The following EML6 variants were observed in gnomAD, a reference collection of about 807,000 sequenced individuals.
EML6 encodes echinoderm microtubule-associated protein-like 6.
A neutral mutation model predicts 240.1 loss-of-function variants in EML6; 154 were observed. The ratio of observed to expected loss-of-function variants is 0.64; its 90% confidence interval spans 0.56 to 0.73. EML6 has a LOEUF of 0.73. EML6 is among the 30% of genes least tolerant of loss of function. The pLI, the probability that EML6 is intolerant of heterozygous loss-of-function variation, is 0.00. For synonymous variants in EML6, 1,148 were observed against 899.0 expected, an observed-to-expected ratio of 1.28 and a Z score of -4.95; for missense variants, 2,964 against 2,474.6, an observed-to-expected ratio of 1.20 and a Z score of -4.20.
At chr2:54,866,957 G>T in intron 14 of EML6, 73 bp downstream of exon 14, 1 of 827,318 alleles carries the variant, frequency 1.2e-6, no homozygotes, top group Admixed American at 2.2e-5. Flanking sequence ...TTAGCACCAG[G>T]CTTAAGGGAT....
chr2:54,832,726 G>T (rs1383684183), intron 7 of EML6, among the ~76,000 whole-genome samples: 1 of 151,652 alleles, frequency 6.6e-6, no homozygotes, highest in Non-Finnish European at 1.5e-5. Context: ...AGATGGTCAG[G>T]TGTCCTGTCC....
intron 30 of EML6, among the ~76,000 whole-genome samples, chr2:54,951,794 G>T (rs1218397213): frequency 6.6e-6 from 1 of 152,020 alleles, no homozygotes. Context: ...GAAATCACTG[G>T]GCACATGTTG....
At chr2:54,787,667 G>A (rs1230916676) in intron 2 of EML6, among the ~76,000 whole-genome samples, 1 of 152,180 alleles carries the variant, frequency 6.6e-6, no homozygotes, top group Non-Finnish European at 1.5e-5. Context: ...ATAAAGTGGA[G>A]CATTTTGCTC....
chr2:54,963,950 C>A, intron 36 of EML6, 36 bp from the exon 37 acceptor site: 1 of 1,526,336 alleles, frequency 6.6e-7, no homozygotes, highest in Non-Finnish European at 8.8e-7. Context: ...CTGAGGGGGC[C>A]AAGAGCTCAG....
chr2:54,953,375 T>C (rs942224683), intron 31 of EML6, among the ~76,000 whole-genome samples: 1 of 152,234 alleles, frequency 6.6e-6, no homozygotes, highest in Non-Finnish European at 1.5e-5. Context: ...TGTCATTCTA[T>C]CATGTTTGCT....
chr2:54,968,545 A>G, intron 40 of EML6, 123 bp from the exon 41 acceptor site: 1 of 716,006 alleles, frequency 1.4e-6, no homozygotes, highest in Admixed American at 2.2e-5. Flanking sequence ...ATGAGTCCAG[A>G]CCAAATGGAA....
chr2:54,842,048 C>G (rs998912235), intron 7 of EML6, among the ~76,000 whole-genome samples: 1 of 152,138 alleles, frequency 6.6e-6, no homozygotes, highest in African/African-American at 2.4e-5. Flanking sequence ...TACATTTGTT[C>G]CAGTGGGTGA....
At chr2:54,904,991 A>C (rs565615102) in intron 24 of EML6, among the ~76,000 whole-genome samples, 1 of 152,190 alleles carries the variant, frequency 6.6e-6, no homozygotes, top group African/African-American at 2.4e-5. Context: ...TATACGGTGC[A>C]GTAGATAGAG....
chr2:54,899,671 G>A lies in EML6; in HGVS notation c.3013G>A (p.Ala1005Thr). 3 of 1,553,836 alleles carry A rather than the reference G, an allele frequency of 1.9e-6. No individual in the cohort carries two copies. The highest frequency in any genetic ancestry group is 2.4e-5 in the East Asian group (1 of 41,142). Residue 1005 changes from alanine to threonine, a missense_variant, in exon 22 of 42, where the codon GCA becomes ACA. Physicochemically the swap from Ala to Thr is moderately conservative, Grantham distance 58. Coordinates refer to ENST00000356458, the MANE Select transcript of EML6 (RefSeq NM_001039753.4). ...CATGGAAGGAGAAGTGTGGGGGTTG[G>A]CAGCTCACCCTCTCCTGCCCATCTG... Reference protein sequence around the residue: ...GHMEGEVWGLAAHPLLPICAT... With the variant: ...GHMEGEVWGLTAHPLLPICAT...
chr2:54,903,298 T>TAA, intron 23 of EML6, 73 bp from the exon 24 acceptor site: 3 of 1,526,150 alleles, frequency 2.0e-6, no homozygotes, highest in Non-Finnish European at 2.7e-6. Flanking sequence ...TTCCCACTTT[T>TAA]AAAATACTAA....
chr2:54,921,223 C>G (rs897912699), intron 26 of EML6, among the ~76,000 whole-genome samples: 1 of 151,944 alleles, frequency 6.6e-6, no homozygotes, highest in Admixed American at 6.6e-5. Flanking sequence ...AAAGACCCCC[C>G]CAAAAGCTAT....
intron 5 of EML6, among the ~76,000 whole-genome samples, chr2:54,826,808 G>A (rs1668620449): frequency 1.3e-5 from 2 of 152,158 alleles, no homozygotes; most frequent in Admixed American, 6.5e-5. Flanking sequence ...ACGTTTCTAA[G>A]TAACATTTCT....
At chr2:54,778,511 C>G (rs367746842) in intron 2 of EML6, among the ~76,000 whole-genome samples, 1 of 152,122 alleles carries the variant, frequency 6.6e-6, no homozygotes, top group Non-Finnish European at 1.5e-5. Context: ...TCACTCTGTG[C>G]GAGATGCTGA....
intron 2 of EML6, among the ~76,000 whole-genome samples, chr2:54,789,535 A>AAG (rs1669304832): frequency 6.8e-6 from 1 of 147,070 alleles, no homozygotes; most frequent in Non-Finnish European, 1.5e-5. Context: ...AAAAAAAAAA[A>AAG]AAAAAAAAAA....
Position 54,849,966 on chromosome 2 carries a change from A to G in EML6, c.1192A>G (p.Met398Val). 2 of 1,550,788 alleles carry G rather than the reference A, an allele frequency of 1.3e-6. No individual in the cohort carries two copies. The highest frequency in any genetic ancestry group is 1.7e-6 in the Non-Finnish European group (2 of 1,146,290). ...TTTTGCTTTTTATTCTTACAGAGAT[A>G]TGACAGAAGTAGTTCACATCAAAGA... ...GSFIVLRVRDMTEVVHIKDRK... is the reference protein window; with the variant it reads ...GSFIVLRVRDVTEVVHIKDRK... The change falls in exon 10 of 42, where the codon ATG (methionine) becomes GTG (valine). Residue 398 changes from methionine to valine, a missense_variant. Met to Val is a conservative substitution (Grantham distance 21). Coordinates refer to ENST00000356458, the MANE Select transcript of EML6 (RefSeq NM_001039753.4).
Position 54,816,834 on chromosome 2 carries a change from G to T in EML6, c.405G>T (p.Trp135Cys). 6.4e-7 allele frequency: 1 copy of T among 1,551,504 alleles called. No individual in the cohort carries two copies. The change falls in exon 4 of 42, where the codon TGG (tryptophan) becomes TGT (cysteine). Residue 135 changes from tryptophan to cysteine, a missense_variant. Trp to Cys is a radical substitution (Grantham distance 215, BLOSUM62 -2). Transcript: ENST00000356458. The part of the protein sequence containing the change: ...GLDAKNTVCI[W>C]DWRKGKLLAS... ...ATGCCAAAAACACAGTCTGCATTTG[G>T]GACTGGAGGAAGGGAAAACTTCTGG...
At position 54,725,244 on chromosome 2, in the gene EML6, C is replaced by A. The variant is rs1255224654; in HGVS notation, c.183C>A (p.Asn61Lys). 2 of 1,479,026 alleles carry A rather than the reference C, an allele frequency of 1.4e-6. No homozygotes were observed. The highest frequency in any genetic ancestry group is 1.8e-6 in the Non-Finnish European group (2 of 1,107,822). 91.6% of individuals were successfully genotyped at this position (1,479,026 alleles called of 1,614,324 possible). ...EHSQKFFLGH[N>K]DDIISLALHP... is the part of the protein sequence containing the mutation. ...GCCAAAAATTCTTCCTGGGACACAA[C>A]GACGACATTATCAGGTAAGGGGGTG... The change falls in exon 2 of 42, where the codon AAC becomes AAA. Residue 61 changes from asparagine (N) to lysine (K), a missense_variant. Physicochemically the swap from Asn to Lys is moderately conservative, Grantham distance 94 (BLOSUM62 0). Transcript: ENST00000356458. The surrounding 1 kb of genome is among the most constrained non-coding windows in gnomAD (Gnocchi z 4.3).
intron 17 of EML6, among the ~76,000 whole-genome samples, chr2:54,890,573 T>G (rs1672411850): frequency 6.6e-6 from 1 of 152,174 alleles, no homozygotes; most frequent in South Asian, 2.1e-4. Flanking sequence ...CTTCAACTTC[T>G]AAACAATATG....
Position 54,964,653 on chromosome 2 carries a change from C to G in EML6, c.5413C>G (p.Leu1805Val), listed in dbSNP as rs1676672039. 3 of 1,552,396 alleles carry G rather than the reference C, an allele frequency of 1.9e-6. No homozygotes were observed. Among genetic ancestry groups the G allele is most frequent in the Non-Finnish European group, 1.7e-6 (2 of 1,147,130 alleles). The change falls in exon 38 of 42, where the codon CTG (leucine) becomes GTG (valine). Residue 1805 changes from leucine to valine, a missense_variant. Physicochemically the swap from Leu to Val is conservative, Grantham distance 32. Coordinates refer to ENST00000356458, the MANE Select transcript of EML6 (RefSeq NM_001039753.4). ...DFYDLTQGTNLNRIGYCKDIP... is the reference protein window; with the variant it reads ...DFYDLTQGTNVNRIGYCKDIP... ...CTATGACCTCACTCAGGGCACAAAT[C>G]TGAACCGCATTGGCTACTGCAAAGA...
Sources: allele counts gnomAD v4.1 joint callset (sites outside exome capture counted in the v4.1 genomes callset), GRCh38; gene constraint gnomAD v4.1.1; non-coding constraint Gnocchi (gnomAD v3.1); transcripts MANE v1.5; gene names NCBI Gene and HGNC (gene_info 2026-07-23, HGNC 2026-07-21).